NAV3: variants seen among roughly 807,000 people sequenced by gnomAD.
NAV3 encodes pore membrane and/or filament interacting like protein 1.
NAV3 carries 87 observed loss-of-function variants against 244.7 expected under a neutral mutation model. The observed-to-expected ratio is 0.36, with a 90% CI of 0.30 to 0.42. NAV3 has a LOEUF of 0.42. NAV3 is among the 20% of genes least tolerant of loss of function. The pLI is 1.00. For missense variants in NAV3, 2,663 were observed against 2,893.3 expected, an observed-to-expected ratio of 0.92 and a Z score of 1.83; for synonymous variants, 1,126 against 1,042.2, an observed-to-expected ratio of 1.08 and a Z score of -1.55.
chr12:77,827,148 G>T (rs1394602576), upstream of NAV3, among the ~76,000 whole-genome samples: 2 of 149,212 alleles, frequency 1.3e-5, no homozygotes, highest in Non-Finnish European at 3.0e-5. Flanking sequence ...CATGAGAATC[G>T]CTTGAACCCG....
intron 2 of NAV3, among the ~76,000 whole-genome samples, chr12:77,657,572 A>T (rs928589374): frequency 6.6e-6 from 1 of 152,188 alleles, no homozygotes; most frequent in Non-Finnish European, 1.5e-5. Flanking sequence ...ATTACAATCA[A>T]TAGAAAAAGA....
chr12:77,628,695 G>T (rs572333651), intron 2 of NAV3, among the ~76,000 whole-genome samples: 1 of 151,778 alleles, frequency 6.6e-6, no homozygotes, highest in Non-Finnish European at 1.5e-5. Context: ...ATCAGCCTGG[G>T]CAACATGGTG....
rs569692925 is a variant in NAV3, at chr12:78,116,973, A to C, written c.2769+69A>C. 12 of 1,563,816 alleles carry C rather than the reference A, an allele frequency of 7.7e-6. No individual in the cohort carries two copies. The African/African-American group carries it at 1.5e-4, about 19-fold the overall frequency. On this transcript the variant is annotated intron_variant, in intron 13 of 39. Transcript: ENST00000397909. ...TTTCCCCAAAATTACTTAATATTAG[A>C]TTAAGGTATAGCACAAGCCCTTAAT...
At chr12:78,189,532 G>C (rs952042757) in intron 33 of NAV3, among the ~76,000 whole-genome samples, 4 of 150,084 alleles carry the variant, frequency 2.7e-5, no homozygotes, top group Non-Finnish European at 4.5e-5. Context: ...GGGGTGAAGA[G>C]AAAGTAAAAG....
rs185851909 is a variant in NAV3, at chr12:77,794,454, G to A, written c.73-145865G>A. ...CTAGTCAAGATCCCAGTCAACTGGC[G>A]GTTGATCTAGAAGATTAATCTAGCC... is the stretch of plus-strand genomic sequence containing the variant. On this transcript the variant is annotated intron_variant, in intron 2 of 8. Coordinates refer to the NAV3 transcript ENST00000550042. Among the ~76,000 whole-genome samples, 13 of 152,194 alleles carry A rather than the reference G, an allele frequency of 8.5e-5. No homozygotes were observed. The East Asian group carries it at 1.2e-3, about 14-fold the overall frequency.
At chr12:78,064,387 A>T (rs973249787) in intron 12 of NAV3, among the ~76,000 whole-genome samples, 1 of 142,094 alleles carries the variant, frequency 7.0e-6, no homozygotes, top group Non-Finnish European at 1.6e-5. Context: ...GGAGACATCT[A>T]TCTATCTGTG....
chr12:78,044,595 C>G (rs186480801), intron 9 of NAV3, among the ~76,000 whole-genome samples: 6 of 152,088 alleles, frequency 3.9e-5, no homozygotes, highest in Non-Finnish European at 7.4e-5. Flanking sequence ...TTTGTGTCCT[C>G]TCTTATTTCC....
intron 2 of NAV3, among the ~76,000 whole-genome samples, chr12:77,714,683 T>C (rs536197686): frequency 1.3e-5 from 2 of 152,306 alleles, no homozygotes; most frequent in Non-Finnish European, 2.9e-5. Flanking sequence ...ACTAAACATC[T>C]ATGAATTTCA....
At chr12:78,133,856 A>G (rs1956266227) in intron 18 of NAV3, among the ~76,000 whole-genome samples, 1 of 152,198 alleles carries the variant, frequency 6.6e-6, no homozygotes, top group African/African-American at 2.4e-5. Flanking sequence ...GAAAAAATGG[A>G]AGAATAAAGG....
At chr12:77,885,536 T>G (rs1206070997) in intron 1 of NAV3, among the ~76,000 whole-genome samples, 1 of 152,140 alleles carries the variant, frequency 6.6e-6, no homozygotes, top group Non-Finnish European at 1.5e-5. Flanking sequence ...TTTCTTTGCT[T>G]TTTACAGGTT....
chr12:77,669,967 A>G (rs1873891068), intron 2 of NAV3, among the ~76,000 whole-genome samples: 2 of 152,152 alleles, frequency 1.3e-5, no homozygotes, highest in Admixed American at 1.3e-4. Flanking sequence ...ATTAAATGAA[A>G]TTGAAACAAA....
chr12:78,055,951 A>T (rs1449066007), intron 11 of NAV3, among the ~76,000 whole-genome samples: 1 of 152,180 alleles, frequency 6.6e-6, no homozygotes, highest in Non-Finnish European at 1.5e-5. Flanking sequence ...TTAAAACATG[A>T]TTCAGACTTC....
intron 2 of NAV3, among the ~76,000 whole-genome samples, chr12:77,596,001 A>G (rs992653873): frequency 9.9e-5 from 15 of 152,194 alleles, no homozygotes; most frequent in Admixed American, 9.8e-4. Context: ...AACATTGTGG[A>G]TTGACTGGAC....
At chr12:78,208,466 G>GA (rs1260334716) in intron 39 of NAV3, among the ~76,000 whole-genome samples, 2 of 152,052 alleles carry the variant, frequency 1.3e-5, no homozygotes, top group East Asian at 3.9e-4. Context: ...AAGAAGAGAG[G>GA]AAAAATATTA....
chr12:77,612,865 G>A (rs751611685), intron 2 of NAV3, among the ~76,000 whole-genome samples: 5 of 152,036 alleles, frequency 3.3e-5, no homozygotes, highest in Non-Finnish European at 7.4e-5. Flanking sequence ...TCATGGGGAC[G>A]GTTCCTCCAT....
intron 11 of NAV3, among the ~76,000 whole-genome samples, chr12:78,053,213 C>G (rs1883013001): frequency 6.7e-6 from 1 of 149,254 alleles, no homozygotes; most frequent in African/African-American, 2.5e-5. Flanking sequence ...GAGACTCCGT[C>G]TAAAAATATA....
chr12:78,171,740 A>G (rs1176385948), intron 24 of NAV3, among the ~76,000 whole-genome samples: 1 of 151,552 alleles, frequency 6.6e-6, no homozygotes, highest in Non-Finnish European at 1.5e-5. Flanking sequence ...ATATAAATTT[A>G]TACTGGAAAT....
At chr12:77,734,837 G>A (rs1339337689) in intron 2 of NAV3, among the ~76,000 whole-genome samples, 1 of 152,112 alleles carries the variant, frequency 6.6e-6, no homozygotes, top group East Asian at 1.9e-4. Flanking sequence ...TTAAGTGAAA[G>A]TAAATACTAG....
intron 1 of NAV3, among the ~76,000 whole-genome samples, chr12:77,837,383 A>T (rs1427851214): frequency 6.6e-6 from 1 of 152,062 alleles, no homozygotes; most frequent in African/African-American, 2.4e-5. Flanking sequence ...TGGTAATGAT[A>T]TTTAGGAGAA....
Sources: allele counts gnomAD v4.1 joint callset (sites outside exome capture counted in the v4.1 genomes callset), GRCh38; gene constraint gnomAD v4.1.1; transcripts MANE v1.5; gene names NCBI Gene and HGNC (gene_info 2026-07-23, HGNC 2026-07-21).